Variants in ZNF385B observed in about 807,000 individuals in gnomAD.
ZNF385B encodes zinc finger protein 533.
A neutral mutation model predicts 39.2 loss-of-function variants in ZNF385B; 23 were observed. That is an observed-to-expected ratio of 0.59 (90% CI 0.42 to 0.83). ZNF385B has a LOEUF of 0.83. Among genes scored for constraint, ZNF385B ranks in the 40% least tolerant of loss-of-function variants. The probability of loss-of-function intolerance (pLI) is 0.00; values close to 1 mark genes in which losing one functional copy is unlikely to be tolerated. For missense variants in ZNF385B, 552 were observed against 598.9 expected, an observed-to-expected ratio of 0.92 and a Z score of 0.82; for synonymous variants, 205 against 222.6, an observed-to-expected ratio of 0.92 and a Z score of 0.70.
At chr2:179,461,039 T>C (rs1274950749) in intron 6 of ZNF385B, among the ~76,000 whole-genome samples, 1 of 152,168 alleles carries the variant, frequency 6.6e-6, no homozygotes, top group African/African-American at 2.4e-5. Context: ...ATAGGAGTTC[T>C]GGGAGAAAGA....
At chr2:179,453,711 G>A (rs1037100192) in intron 6 of ZNF385B, among the ~76,000 whole-genome samples, 1 of 152,130 alleles carries the variant, frequency 6.6e-6, no homozygotes, top group Non-Finnish European at 1.5e-5. Flanking sequence ...TGATTTGAAA[G>A]GTGGCCTGGC....
At chr2:179,736,282 C>T (rs145337624) in intron 3 of ZNF385B, among the ~76,000 whole-genome samples, 21 of 152,190 alleles carry the variant, frequency 1.4e-4, no homozygotes, top group African/African-American at 4.8e-4. Context: ...TGGGAGCTTA[C>T]AACTTTGTCT....
chr2:179,642,676 A>T (rs1692372935), intron 3 of ZNF385B, among the ~76,000 whole-genome samples: 2 of 152,202 alleles, frequency 1.3e-5, no homozygotes, highest in African/African-American at 4.8e-5. Context: ...ATACAAAAAC[A>T]ATAGTGTGTA....
intron 1 of ZNF385B, among the ~76,000 whole-genome samples, chr2:179,833,374 C>T (rs1192663613): frequency 6.6e-6 from 1 of 151,576 alleles, no homozygotes; most frequent in East Asian, 1.9e-4. Context: ...TGATGTATAC[C>T]TAAAAAAACA....
At chr2:179,676,462 A>G (rs563639632) in intron 3 of ZNF385B, among the ~76,000 whole-genome samples, 4,455 of 151,092 alleles carry the variant, frequency 0.029, 223 homozygotes, top group African/African-American at 0.1. Flanking sequence ...CTGACCTCGT[A>G]ATCTGCCCAC....
At chr2:179,525,165 T>G (rs1027760354) in intron 4 of ZNF385B, among the ~76,000 whole-genome samples, 1 of 152,130 alleles carries the variant, frequency 6.6e-6, no homozygotes, top group African/African-American at 2.4e-5. Flanking sequence ...ACTGCCAGAA[T>G]CATGAGTGTA....
chr2:179,857,196 G>A (rs1413637223), intron 1 of ZNF385B, among the ~76,000 whole-genome samples: 1 of 152,148 alleles, frequency 6.6e-6, no homozygotes, highest in Non-Finnish European at 1.5e-5. Flanking sequence ...ACACAAATTG[G>A]TACTACAGAA....
rs549565824 is a variant in ZNF385B, at chr2:179,504,883, G to A, written c.552+13645C>T. Among the ~76,000 whole-genome samples, 204 of 151,686 alleles carry A rather than the reference G, an allele frequency of 1.3e-3. 2 individuals carry two copies. Among genetic ancestry groups the A allele is most frequent in the African/African-American group, 4.5e-3 (186 of 41,314 alleles). ...TGAGGACAGCACCAAGGGGGATGGT[G>A]CTAAACCATTCATGAGAAATCCTCC... On this transcript the variant is annotated intron_variant, in intron 5 of 9. Transcript: ENST00000410066.
At chr2:179,729,199 G>C (rs578071602) in intron 3 of ZNF385B, among the ~76,000 whole-genome samples, 59 of 148,694 alleles carry the variant, frequency 4.0e-4, no homozygotes, top group African/African-American at 1.4e-3. Context: ...ATCCCAAAAG[G>C]AAACATTTAA....
chr2:179,753,967 G>T (rs369255999), intron 3 of ZNF385B, among the ~76,000 whole-genome samples: 2 of 152,006 alleles, frequency 1.3e-5, no homozygotes, highest in Non-Finnish European at 2.9e-5. Context: ...TTCCAACACT[G>T]TGTTGAATAG....
chr2:179,801,838 T>C (rs1485675774), intron 1 of ZNF385B, among the ~76,000 whole-genome samples: 3 of 152,100 alleles, frequency 2.0e-5, no homozygotes, highest in Non-Finnish European at 4.4e-5. Flanking sequence ...TTACAGAATG[T>C]CTGACAGAAA....
intron 3 of ZNF385B, among the ~76,000 whole-genome samples, chr2:179,611,722 C>G (rs1314990551): frequency 6.6e-6 from 1 of 152,096 alleles, no homozygotes; most frequent in African/African-American, 2.4e-5. Context: ...TTGGTCTGTT[C>G]AGGTTTTGAA....
rs1218694367 is a variant in ZNF385B at position 179,688,518 on chromosome 2, A to AACAACG, written c.298+80984_298+80985insCGTTGT. ...CAACAACAACAACAACAACAACAAC[A>AACAACG]AAAACAGAAAGAAAGAAGAAAGACA... On this transcript the variant is annotated intron_variant, in intron 3 of 9. Coordinates refer to ENST00000410066, the MANE Select transcript of ZNF385B (RefSeq NM_152520.6). Among the ~76,000 whole-genome samples, 6 of 151,406 alleles carry AACAACG rather than the reference A, an allele frequency of 4.0e-5. No individual in the cohort carries two copies. In the East Asian group the frequency reaches 1.2e-3, roughly 29 times the overall value.
intron 3 of ZNF385B, among the ~76,000 whole-genome samples, chr2:179,668,132 T>C (rs1271766783): frequency 3.9e-5 from 6 of 152,218 alleles, no homozygotes; most frequent in Non-Finnish European, 2.9e-5. Context: ...GGAGTACTGG[T>C]TAATATGCAT....
intron 3 of ZNF385B, among the ~76,000 whole-genome samples, chr2:179,711,788 T>C (rs558765344): frequency 5.9e-5 from 9 of 152,140 alleles, no homozygotes; most frequent in African/African-American, 2.2e-4. Context: ...AGCAGTTCTG[T>C]TCCCTACTGC....
intron 3 of ZNF385B, among the ~76,000 whole-genome samples, chr2:179,550,039 G>T (rs1248149521): frequency 6.7e-6 from 1 of 149,356 alleles, no homozygotes; most frequent in African/African-American, 2.5e-5. Context: ...ATCAAATGTT[G>T]CAGGGGCACT....
chr2:179,598,795 T>C (rs1688194898), intron 3 of ZNF385B, among the ~76,000 whole-genome samples: 2 of 152,288 alleles, frequency 1.3e-5, no homozygotes, highest in South Asian at 4.1e-4. Context: ...GTTTGGTACA[T>C]AAAAATATTA....
chr2:179,486,747 T>A (rs1226534417), intron 5 of ZNF385B, among the ~76,000 whole-genome samples: 1 of 152,060 alleles, frequency 6.6e-6, no homozygotes, highest in Non-Finnish European at 1.5e-5. Flanking sequence ...AGACCTTGTT[T>A]CTACCAAAAT....
intron 3 of ZNF385B, among the ~76,000 whole-genome samples, chr2:179,730,918 C>CA (rs1559139219): frequency 2.0e-5 from 3 of 152,130 alleles, no homozygotes; most frequent in South Asian, 2.1e-4. Flanking sequence ...TCTAAAGCAA[C>CA]AAAAGTTATA....
Sources: gnomAD v4.1 joint callset for allele counts (sites outside exome capture counted in the v4.1 genomes callset) on GRCh38, gnomAD v4.1.1 for gene constraint, MANE v1.5 for transcripts, NCBI Gene and HGNC (gene_info 2026-07-23, HGNC 2026-07-21) for gene names.